ADAMTSL1: variants seen among roughly 807,000 people sequenced by gnomAD.
ADAMTSL1 encodes the protein ADAMTS-like protein 1.
ADAMTSL1 carries 126 observed loss-of-function variants against 201.8 expected under a neutral mutation model. The observed-to-expected ratio is 0.62, with a 90% CI of 0.54 to 0.72. ADAMTSL1 has a LOEUF of 0.72. Among genes scored for constraint, ADAMTSL1 ranks in the 30% least tolerant of loss-of-function variants. The probability of loss-of-function intolerance (pLI) is 0.00; values close to 1 mark genes in which losing one functional copy is unlikely to be tolerated. For missense variants in ADAMTSL1, 2,679 were observed against 2,277.8 expected, an observed-to-expected ratio of 1.18 and a Z score of -3.59; for synonymous variants, 1,121 against 903.4, an observed-to-expected ratio of 1.24 and a Z score of -4.32.
chr9:18,471,674 T>TC (rs1821219158), upstream of ADAMTSL1, among the ~76,000 whole-genome samples: 1 of 152,228 alleles, frequency 6.6e-6, no homozygotes, highest in South Asian at 2.1e-4. Context: ...CTCTGGGTAT[T>TC]CCCAAGAGGA....
intron 1 of ADAMTSL1, among the ~76,000 whole-genome samples, chr9:18,009,819 G>A (rs1409458320): frequency 1.3e-5 from 2 of 151,994 alleles, no homozygotes; most frequent in Non-Finnish European, 2.9e-5. Context: ...AAATAGTCAC[G>A]AAGCAATTCT....
intron 4 of ADAMTSL1, among the ~76,000 whole-genome samples, chr9:18,620,734 G>A (rs1825985381): frequency 6.6e-6 from 1 of 152,100 alleles, no homozygotes; most frequent in African/African-American, 2.4e-5. Flanking sequence ...AACCCATAGG[G>A]ATAGAGCCCG....
chr9:18,085,488 T>TATATATATATACTGTGTGTGCAC (rs1823712515), intron 1 of ADAMTSL1, among the ~76,000 whole-genome samples: 1 of 151,370 alleles, frequency 6.6e-6, no homozygotes, highest in African/African-American at 2.4e-5. Context: ...TGTGCATATA[T>TATATATATATACTGTGTGTGCAC]ATATATATAT....
At chr9:18,675,648 A>G (rs74696029) in intron 9 of ADAMTSL1, among the ~76,000 whole-genome samples, 1,535 of 152,286 alleles carry the variant, frequency 0.01, 30 homozygotes, top group African/African-American at 0.035. Context: ...AGAACTAATT[A>G]TAGTAAATGG....
At chr9:18,369,570 G>T (rs1165586358) in intron 2 of ADAMTSL1, among the ~76,000 whole-genome samples, 3 of 152,170 alleles carry the variant, frequency 2.0e-5, no homozygotes, top group African/African-American at 4.8e-5. Context: ...ACAGGATAAA[G>T]ATTCCCTAAA....
intron 13 of ADAMTSL1, among the ~76,000 whole-genome samples, chr9:18,701,754 A>C (rs1393406766): frequency 1.3e-5 from 2 of 152,234 alleles, no homozygotes; most frequent in East Asian, 3.8e-4. Flanking sequence ...AAATTAGGGC[A>C]TGAAACTAGT....
intron 2 of ADAMTSL1, among the ~76,000 whole-genome samples, chr9:18,372,604 C>G (rs915061108): frequency 6.6e-6 from 1 of 152,158 alleles, no homozygotes; most frequent in African/African-American, 2.4e-5. Context: ...CCAAATTTCA[C>G]AAGTCTAATT....
At chr9:18,109,148 C>T (rs1344337879) in intron 1 of ADAMTSL1, among the ~76,000 whole-genome samples, 1 of 152,158 alleles carries the variant, frequency 6.6e-6, no homozygotes, top group Non-Finnish European at 1.5e-5. Context: ...AATTCCCTCG[C>T]CTAATTTGAA....
At chr9:17,994,927 A>G (rs1286597655) in intron 1 of ADAMTSL1, among the ~76,000 whole-genome samples, 1 of 152,180 alleles carries the variant, frequency 6.6e-6, no homozygotes, top group East Asian at 1.9e-4. Context: ...CAGGACCCAA[A>G]TTCCCTTTAG....
chr9:18,003,972 A>C (rs1440578285), intron 1 of ADAMTSL1, among the ~76,000 whole-genome samples: 1 of 152,058 alleles, frequency 6.6e-6, no homozygotes, highest in Non-Finnish European at 1.5e-5. Flanking sequence ...AAAGGATTCC[A>C]ATAGTGTTTA....
chr9:18,471,287 T>C (rs1454293796), upstream of ADAMTSL1, among the ~76,000 whole-genome samples: 2 of 152,172 alleles, frequency 1.3e-5, no homozygotes, highest in Non-Finnish European at 2.9e-5. Flanking sequence ...ATAGATATAA[T>C]GCATATATAT....
intron 2 of ADAMTSL1, among the ~76,000 whole-genome samples, chr9:18,173,829 T>TGG (rs529498009): frequency 1.4e-3 from 214 of 152,302 alleles, no homozygotes; most frequent in African/African-American, 5.0e-3. Context: ...TCACGTTTCA[T>TGG]ATTGTGAGGC....
At chr9:17,971,863 A>AT (rs1279863326) in intron 1 of ADAMTSL1, among the ~76,000 whole-genome samples, 2 of 151,790 alleles carry the variant, frequency 1.3e-5, no homozygotes, top group African/African-American at 4.8e-5. Flanking sequence ...TCATGTGCTT[A>AT]TTTTTCTTCT....
At chr9:17,954,867 C>T (rs1347128422) in intron 1 of ADAMTSL1, among the ~76,000 whole-genome samples, 1 of 152,138 alleles carries the variant, frequency 6.6e-6, no homozygotes, top group Non-Finnish European at 1.5e-5. Flanking sequence ...TCTACTTCTT[C>T]CAGTTCAGCT....
rs955670188 is a variant in ADAMTSL1, at chr9:18,853,603, T to C, written c.4249+23626T>C. 2.0e-5 allele frequency among the ~76,000 whole-genome samples: 3 copies of C among 152,218 alleles called. No homozygotes were observed. The South Asian group carries it at 6.2e-4, about 32-fold the overall frequency. On this transcript the variant is annotated intron_variant, in intron 23 of 28. Transcript: ENST00000380548. ...AACCTTGTGGTGGTCTTTCATTAACTTTGCAAAGGCAGTTTAGATTCAGGA... is the reference window on the plus strand; with the variant it reads ...AACCTTGTGGTGGTCTTTCATTAACCTTGCAAAGGCAGTTTAGATTCAGGA...
chr9:18,814,090 G>C (rs1209071765), intron 20 of ADAMTSL1, among the ~76,000 whole-genome samples: 1 of 152,180 alleles, frequency 6.6e-6, no homozygotes, highest in East Asian at 1.9e-4. Flanking sequence ...ACTGGGGTGA[G>C]ATGATACCTC....
At chr9:18,077,821 C>T (rs144590381) in intron 1 of ADAMTSL1, among the ~76,000 whole-genome samples, 240 of 152,136 alleles carry the variant, frequency 1.6e-3, no homozygotes, top group African/African-American at 5.4e-3. Context: ...AGGGGCTAAT[C>T]GGAGGAAGAT....
chr9:18,606,074 G>A (rs1824992895), intron 4 of ADAMTSL1, among the ~76,000 whole-genome samples: 1 of 152,132 alleles, frequency 6.6e-6, no homozygotes, highest in African/African-American at 2.4e-5. Flanking sequence ...GGTCTCTGCA[G>A]GGTTAGGCCG....
intron 15 of ADAMTSL1, among the ~76,000 whole-genome samples, chr9:18,750,108 C>T (rs752717406): frequency 6.6e-6 from 1 of 152,182 alleles, no homozygotes; most frequent in Non-Finnish European, 1.5e-5. Flanking sequence ...TTGTTTTACA[C>T]CCACAACATT....
Sources: gnomAD v4.1 joint callset for allele counts (sites outside exome capture counted in the v4.1 genomes callset) on GRCh38, gnomAD v4.1.1 for gene constraint, MANE v1.5 for transcripts, NCBI Gene and HGNC (gene_info 2026-07-23, HGNC 2026-07-21) for gene names.